Variants in PAX5 observed in about 807,000 individuals in gnomAD.
PAX5 encodes paired box 5, also known as paired box protein Pax-5.
Under a neutral mutation model 43.7 loss-of-function variants are expected in PAX5, and 9 were observed. That is an observed-to-expected ratio of 0.21 (90% CI 0.12 to 0.36). PAX5 has a LOEUF of 0.36. PAX5 is among the 10% of genes least tolerant of loss of function. PAX5 has a pLI of 1.00. For missense variants in PAX5, 383 were observed against 532.7 expected (o/e 0.72, Z 2.77); for synonymous variants, 228 against 214.3 (o/e 1.06, Z -0.56).
intron 5 of PAX5, among the ~76,000 whole-genome samples, chr9:36,979,074 C>T (rs1171518328): frequency 6.6e-6 from 1 of 152,206 alleles, no homozygotes; most frequent in African/African-American, 2.4e-5. Context: ...TTCAATTGAT[C>T]AATCATGTTT....
At chr9:37,008,898 C>T (rs1838697461) in intron 3 of PAX5, among the ~76,000 whole-genome samples, 1 of 152,028 alleles carries the variant, frequency 6.6e-6, no homozygotes, top group Non-Finnish European at 1.5e-5. Context: ...TTTTTGGTCA[C>T]CTGGAAGTAA....
chr9:36,984,543 C>A (rs147624940), intron 5 of PAX5, among the ~76,000 whole-genome samples: 2,042 of 143,928 alleles, frequency 0.014, 44 homozygotes, highest in African/African-American at 0.048. Flanking sequence ...CAGGTTCAAG[C>A]GATTCTCCTG....
intron 6 of PAX5, among the ~76,000 whole-genome samples, chr9:36,949,783 T>C (rs1383183199): frequency 6.6e-6 from 1 of 152,146 alleles, no homozygotes; most frequent in Non-Finnish European, 1.5e-5. Context: ...GTCTGCAAAA[T>C]TCCATGCCAT....
rs1564079083 is a variant in PAX5 at position 37,015,238 on chromosome 9, A to C, written c.213-44T>G. 2 of 1,551,522 alleles carry C rather than the reference A, an allele frequency of 1.3e-6. No homozygotes were observed. On this transcript the variant is annotated intron_variant, in intron 2 of 9. Transcript: ENST00000358127. This position sits in a 1 kb window ranked among gnomAD's most constrained non-coding sequence, Gnocchi z 4.4. ...GAAGCTTAGCCATGAGGAACCAGTAAAGTGGATATTGGCAACAAAATAACG... is the reference window on the plus strand; with the variant it reads ...GAAGCTTAGCCATGAGGAACCAGTACAGTGGATATTGGCAACAAAATAACG...
chr9:36,964,592 CACAA>C (rs1564017114), intron 6 of PAX5, among the ~76,000 whole-genome samples: 5 of 91,640 alleles, frequency 5.5e-5, no homozygotes, highest in Non-Finnish European at 2.1e-5. Context: ...AACTCCAGCT[CACAA>C]AAAAAAAAAA....
intron 6 of PAX5, among the ~76,000 whole-genome samples, chr9:36,933,474 G>T (rs1249355612): frequency 6.6e-6 from 1 of 152,144 alleles, no homozygotes; most frequent in African/African-American, 2.4e-5. Flanking sequence ...TGGTGCCCCG[G>T]GAGTCCTGGG....
chr9:36,913,540 C>A (rs1008740384), intron 7 of PAX5, among the ~76,000 whole-genome samples: 53 of 152,242 alleles, frequency 3.5e-4, no homozygotes, highest in African/African-American at 1.3e-3. Flanking sequence ...CCCAATGAGA[C>A]ACCTGCAGAT....
At chr9:36,865,203 T>C (rs969530004) in intron 8 of PAX5, among the ~76,000 whole-genome samples, 2 of 152,146 alleles carry the variant, frequency 1.3e-5, no homozygotes, top group Non-Finnish European at 2.9e-5. Context: ...TTCCAGGTGC[T>C]TCCCTCAGTT....
At chr9:36,968,236 C>G (rs1425861939) in intron 5 of PAX5, among the ~76,000 whole-genome samples, 2 of 152,220 alleles carry the variant, frequency 1.3e-5, no homozygotes, top group Non-Finnish European at 2.9e-5. Context: ...CTGCCCCCAC[C>G]AGTGCACTGC....
rs139348484 is a variant in PAX5 at position 36,863,367 on chromosome 9, G to A, written c.1013-16438C>T. ...CAGCCTCAAACTCCTGGTCTCACAC[G>A]AGCCTCCCGCCTCGGCCTCCCCGAG... On this transcript the variant is annotated intron_variant, in intron 8 of 9. Transcript: ENST00000358127. Among the ~76,000 whole-genome samples, 514 of 152,298 alleles carry A rather than the reference G, an allele frequency of 3.4e-3. 2 individuals are homozygous for A. Among genetic ancestry groups the A allele is most frequent in the Non-Finnish European group, 5.4e-3 (368 of 68,018 alleles).
intron 3 of PAX5, among the ~76,000 whole-genome samples, chr9:37,011,736 C>T (rs1838945471): frequency 6.6e-6 from 1 of 152,122 alleles, no homozygotes; most frequent in Non-Finnish European, 1.5e-5. Flanking sequence ...TGGAAGGTAA[C>T]AGGAAGTCAC....
intron 6 of PAX5, among the ~76,000 whole-genome samples, chr9:36,944,228 C>A (rs981014612): frequency 2.6e-5 from 4 of 152,110 alleles, no homozygotes; most frequent in African/African-American, 7.2e-5. Flanking sequence ...TTGGACCCAA[C>A]AACAAACACA....
At chr9:37,028,545 A>G (rs1840657861) in intron 1 of PAX5, among the ~76,000 whole-genome samples, 1 of 152,242 alleles carries the variant, frequency 6.6e-6, no homozygotes, top group Non-Finnish European at 1.5e-5. Context: ...TTGCCCAAGC[A>G]GAGTGGCTGG....
intron 5 of PAX5, among the ~76,000 whole-genome samples, chr9:37,002,154 G>T (rs571104344): frequency 2.8e-4 from 42 of 152,204 alleles, no homozygotes; most frequent in African/African-American, 9.6e-4. Flanking sequence ...CATCATCAGG[G>T]CTGAAGGCCT....
chr9:36,836,221 GT>G lies in PAX5; in HGVS notation c.*4338del. 4.3e-6 allele frequency: 1 copy of G among 233,538 alleles called. No homozygotes were observed. Among genetic ancestry groups the G allele is most frequent in the African/African-American group, 2.2e-5 (1 of 45,442 alleles). The allele number at this position is 233,538 out of a possible 1,614,324, so 14.5% of individuals were successfully genotyped here. A position where few individuals can be genotyped will look rare whatever the true frequency, so the allele number is the denominator to read the frequency against. On this transcript the variant is annotated 3_prime_UTR_variant, in exon 10 of 10. Transcript: ENST00000358127. Reference sequence around the variant, plus strand: ...GAAAACCCAGCAGCTCCCCAATCCCGTCCCCAGCGCCTCTGACCTTCCACCC... The same window carrying G: ...GAAAACCCAGCAGCTCCCCAATCCCGCCCCAGCGCCTCTGACCTTCCACCC...
intron 8 of PAX5, among the ~76,000 whole-genome samples, chr9:36,864,752 A>G (rs114681708): frequency 0.021 from 3,213 of 152,266 alleles, 129 homozygotes; most frequent in African/African-American, 0.073. Flanking sequence ...GCGCTGACGG[A>G]GGGAGGGAGG....
chr9:36,942,138 T>A (rs1556247), intron 6 of PAX5, among the ~76,000 whole-genome samples: 2 of 152,130 alleles, frequency 1.3e-5, no homozygotes, highest in Non-Finnish European at 2.9e-5. Context: ...ACCCTCTCCT[T>A]GGCTCAGGGA....
Position 37,015,096 on chromosome 9 carries a change from C to T in PAX5, c.311G>A (p.Arg104His), listed in dbSNP as rs2132471770. 1.2e-6 allele frequency: 2 copies of T among 1,614,170 alleles called. No homozygotes were observed. Among genetic ancestry groups the T allele is most frequent in the Non-Finnish European group, 1.7e-6 (2 of 1,180,026 alleles). ...KVVEKIAEYK[R>H]QNPTMFAWEI... is the part of the protein sequence containing the mutation. ...CCAGGCAAACATGGTGGGATTTTGG[C>T]GTTTATATTCAGCGATTTTTTCCAC... The change falls in exon 3 of 10, where the codon CGC becomes CAC. Residue 104 changes from arginine (R) to histidine (H), a missense_variant. By Grantham distance (29) the Arg-to-His change is conservative (BLOSUM62 0). This residue lies in a region of PAX5 where 33 missense variants were observed against 70.6 expected (regional missense o/e 0.47). Coordinates refer to ENST00000358127, the MANE Select transcript of PAX5 (RefSeq NM_016734.3). The surrounding 1 kb of genome is among the most constrained non-coding windows in gnomAD (Gnocchi z 4.4).
At chr9:36,989,680 T>C (rs1323786917) in intron 5 of PAX5, among the ~76,000 whole-genome samples, 1 of 152,130 alleles carries the variant, frequency 6.6e-6, no homozygotes, top group Non-Finnish European at 1.5e-5. Context: ...CCTCCCCGTC[T>C]AGAATGGCTG....
Sources: allele counts gnomAD v4.1 joint callset (sites outside exome capture counted in the v4.1 genomes callset), GRCh38; gene constraint gnomAD v4.1.1; regional missense constraint gnomAD v4.1.1; non-coding constraint Gnocchi (gnomAD v3.1); transcripts MANE v1.5; gene names NCBI Gene and HGNC (gene_info 2026-07-23, HGNC 2026-07-21).